The following FOXO3 variants were observed in gnomAD, a reference collection of about 807,000 sequenced individuals.
FOXO3 encodes forkhead box protein O3.
Under a neutral mutation model 41.9 loss-of-function variants are expected in FOXO3, and 4 were observed. The ratio of observed to expected loss-of-function variants is 0.10; its 90% CI spans 0.05 to 0.22. FOXO3 has a LOEUF of 0.22. Among genes scored for constraint, FOXO3 ranks in the 10% least tolerant of loss-of-function variants. FOXO3 has a pLI of 1.00. For synonymous variants in FOXO3, 318 were observed against 389.3 expected (o/e 0.82, Z 2.16); for missense variants, 534 against 906.8 (o/e 0.59, Z 5.28).
At chr6:108,573,438 G>C (rs1177703324) in intron 1 of FOXO3, among the ~76,000 whole-genome samples, 2 of 152,316 alleles carry the variant, frequency 1.3e-5, no homozygotes, top group East Asian at 3.9e-4. Context: ...GAGTTGTGCT[G>C]ACTCTGAGTA....
chr6:108,663,140 A>G (rs1778920991), intron 1 of FOXO3, among the ~76,000 whole-genome samples: 1 of 152,170 alleles, frequency 6.6e-6, no homozygotes, highest in Admixed American at 6.5e-5. Context: ...TGGGAGGCCA[A>G]CGTGGGAGGA....
intron 1 of FOXO3, among the ~76,000 whole-genome samples, chr6:108,591,992 A>G (rs1280247676): frequency 6.6e-6 from 1 of 152,232 alleles, no homozygotes; most frequent in Admixed American, 6.5e-5. Context: ...ATGAATGTCA[A>G]AAACATTGTG....
At chr6:108,609,661 G>A (rs1777303546) in intron 1 of FOXO3, among the ~76,000 whole-genome samples, 2 of 152,282 alleles carry the variant, frequency 1.3e-5, no homozygotes, top group Admixed American at 1.3e-4. Context: ...GCTGTGGATC[G>A]CTTTTAAGGC....
chr6:108,642,538 T>A (rs901018698), intron 1 of FOXO3, among the ~76,000 whole-genome samples: 2 of 152,042 alleles, frequency 1.3e-5, no homozygotes, highest in African/African-American at 4.8e-5. Context: ...AGTAGCAAAA[T>A]CTACAAAGGT....
chr6:108,634,929 A>G (rs1778080809), intron 1 of FOXO3, among the ~76,000 whole-genome samples: 1 of 151,980 alleles, frequency 6.6e-6, no homozygotes, highest in African/African-American at 2.4e-5. Context: ...ATGTTTTTGT[A>G]TTTTATATAT....
intron 1 of FOXO3, among the ~76,000 whole-genome samples, chr6:108,647,610 T>C (rs1235726090): frequency 2.0e-5 from 3 of 152,198 alleles, no homozygotes; most frequent in African/African-American, 7.2e-5. Flanking sequence ...AGCACATTAT[T>C]TGACCATGTG....
chr6:108,658,836 C>T (rs530845420), intron 1 of FOXO3, among the ~76,000 whole-genome samples: 25 of 152,098 alleles, frequency 1.6e-4, no homozygotes, highest in African/African-American at 5.1e-4. Context: ...TTGAGGTTTC[C>T]TCTTCTGAAA....
chr6:108,652,414 G>A (rs1470596471), intron 1 of FOXO3, among the ~76,000 whole-genome samples: 1 of 152,162 alleles, frequency 6.6e-6, no homozygotes, highest in Non-Finnish European at 1.5e-5. Context: ...CATAAGCCTA[G>A]GGACCACATG....
Position 108,670,947 on chromosome 6 carries a change from C to T in FOXO3, c.*34+6058C>T, listed in dbSNP as rs563200678. ...TAAGCACAGTTCATCTGTTGAGTAC[C>T]TGCTGGGCACAGGGGATAGAAGTGG... On this transcript the variant is annotated intron_variant, in intron 2 of 2. Coordinates refer to ENST00000406360, the MANE Select transcript of FOXO3 (RefSeq NM_001455.4). 3.3e-5 allele frequency among the ~76,000 whole-genome samples: 5 copies of T among 152,308 alleles called. No individual in the cohort carries two copies. In the East Asian group the frequency reaches 5.8e-4, roughly 18 times the overall value.
At position 108,594,584 on chromosome 6, in the gene FOXO3, T is replaced by C. The variant is rs1239872159; in HGVS notation, c.621+32755T>C. 4.6e-5 allele frequency among the ~76,000 whole-genome samples: 7 copies of C among 152,152 alleles called. No homozygotes were observed. The East Asian group carries it at 1.4e-3, about 29-fold the overall frequency. On this transcript the variant is annotated intron_variant, in intron 1 of 2. Coordinates refer to ENST00000406360, the MANE Select transcript of FOXO3 (RefSeq NM_001455.4). ...CTTTACCTCCCGCTAATGCTTCTTT[T>C]GGGCTTGCTTGGGCCATGTTGTTTT...
chr6:108,578,345 A>G (rs1248934376), intron 1 of FOXO3, among the ~76,000 whole-genome samples: 1 of 152,234 alleles, frequency 6.6e-6, no homozygotes, highest in Non-Finnish European at 1.5e-5. Context: ...TGATAGGAGT[A>G]AAAAATCTTA....
At chr6:108,678,509 T>A (rs1049655209) in intron 2 of FOXO3, among the ~76,000 whole-genome samples, 3 of 149,066 alleles carry the variant, frequency 2.0e-5, no homozygotes, top group African/African-American at 7.4e-5. Context: ...TTTTTTTTTT[T>A]AATCCCTTAA....
At chr6:108,675,095 G>A (rs762518313) in intron 2 of FOXO3, among the ~76,000 whole-genome samples, 2 of 152,172 alleles carry the variant, frequency 1.3e-5, no homozygotes, top group Non-Finnish European at 2.9e-5. Flanking sequence ...TAAAGTCAGA[G>A]ATAGGGATTT....
At chr6:108,637,995 A>G (rs1210126514) in intron 1 of FOXO3, among the ~76,000 whole-genome samples, 2 of 152,218 alleles carry the variant, frequency 1.3e-5, no homozygotes, top group African/African-American at 4.8e-5. Flanking sequence ...AAATATACTT[A>G]GAAGAAAAAA....
intron 1 of FOXO3, among the ~76,000 whole-genome samples, chr6:108,625,342 A>G (rs1482902585): frequency 1.3e-5 from 2 of 152,166 alleles, no homozygotes; most frequent in African/African-American, 4.8e-5. Flanking sequence ...TTGAAGTAAT[A>G]GTTTTGTTAG....
chr6:108,606,274 A>G (rs1777198012), intron 1 of FOXO3, among the ~76,000 whole-genome samples: 1 of 152,156 alleles, frequency 6.6e-6, no homozygotes, highest in Non-Finnish European at 1.5e-5. Flanking sequence ...GGAGATAAGG[A>G]GGTCTCTCTG....
intron 1 of FOXO3, among the ~76,000 whole-genome samples, chr6:108,580,183 ATTTT>A: frequency 1.1e-5 from 1 of 93,072 alleles, no homozygotes; most frequent in Admixed American, 1.6e-4. Flanking sequence ...GCTCTTCTTC[ATTTT>A]TTTTTTTTTT....
rs1298438711 is a variant in FOXO3, at chr6:108,561,236, C to G, written c.28C>G (p.Pro10Ala). 2 of 1,561,512 alleles carry G rather than the reference C, an allele frequency of 1.3e-6. No individual in the cohort carries two copies. The highest frequency in any genetic ancestry group is 8.7e-7 in the Non-Finnish European group (1 of 1,155,828). MAEAPASPA[P>A]LSPLEVELDP... ...GGCAGAGGCACCGGCTTCCCCGGCC[C>G]CGCTCTCTCCGCTCGAAGTGGAGCT... is the stretch of plus-strand genomic sequence containing the variant. The change falls in exon 1 of 3, where the codon CCG becomes GCG. Residue 10 changes from proline to alanine, a missense_variant. Pro to Ala is a conservative substitution (Grantham distance 27). Transcript: ENST00000406360.
intron 2 of FOXO3, among the ~76,000 whole-genome samples, chr6:108,669,919 C>T (rs948476461): frequency 1.7e-4 from 26 of 152,164 alleles, no homozygotes; most frequent in Admixed American, 6.5e-4. Context: ...GTCCAGAGAG[C>T]TCATGTAGAA....
Sources: gnomAD v4.1 joint callset for allele counts (sites outside exome capture counted in the v4.1 genomes callset) on GRCh38, gnomAD v4.1.1 for gene constraint, MANE v1.5 for transcripts, NCBI Gene and HGNC (gene_info 2026-07-23, HGNC 2026-07-21) for gene names.